ARMC8: variants seen among roughly 807,000 people sequenced by gnomAD.
The protein encoded by ARMC8 is armadillo repeat-containing protein 8.
In ARMC8, 20 loss-of-function variants were observed where a neutral mutation model predicts 99.3. That is an observed-to-expected ratio of 0.20 (90% confidence interval 0.14 to 0.29). The LOEUF (loss-of-function observed/expected upper bound fraction) is 0.29, where lower values mean the gene tolerates loss of function less well. Ranked by LOEUF, ARMC8 falls within the 10% of genes least tolerant of loss-of-function variation. The probability of loss-of-function intolerance (pLI) is 1.00; values close to 1 mark genes in which losing one functional copy is unlikely to be tolerated. For missense variants in ARMC8, 569 were observed against 809.5 expected (o/e 0.70, Z 3.60); for synonymous variants, 263 against 278.3 (o/e 0.95, Z 0.55).
intron 2 of ARMC8, among the ~76,000 whole-genome samples, chr3:138,212,993 C>T (rs899902104): frequency 1.1e-4 from 17 of 152,098 alleles, no homozygotes; most frequent in African/African-American, 4.1e-4. Flanking sequence ...ATATACGAGG[C>T]ATGGTGGAAG....
At chr3:138,242,457 G>A (rs1239614613) in intron 11 of ARMC8, among the ~76,000 whole-genome samples, 2 of 152,170 alleles carry the variant, frequency 1.3e-5, no homozygotes, top group African/African-American at 2.4e-5. Context: ...GGGCCTGCTA[G>A]TGACAGCTAA....
intron 12 of ARMC8, chr3:138,245,771 A>C (rs970360058): frequency 1.0e-6 from 1 of 986,536 alleles, no homozygotes; most frequent in African/African-American, 1.7e-5. Flanking sequence ...ACTAAAGCCT[A>C]GTCTAACACT....
rs79856267 is a variant in ARMC8, at chr3:138,202,160, A to G, written c.46-7657A>G. Among the ~76,000 whole-genome samples, 1,196 of 152,320 alleles carry G rather than the reference A, an allele frequency of 7.9e-3. 12 individuals are homozygous for G. The highest frequency in any genetic ancestry group is 0.027 in the African/African-American group (1,123 of 41,576). ...ACAATGCTGAATTATGAACAGTTTT[A>G]TCTTGAAGTTCCTACTAGTTTGTGG... On this transcript the variant is annotated intron_variant, in intron 1 of 21. Coordinates refer to ENST00000469044, the MANE Select transcript of ARMC8 (RefSeq NM_001363941.2).
rs1477548097 is a variant in ARMC8, at chr3:138,245,835, A to T, written c.1134+652A>T. 4 of 985,660 alleles carry T rather than the reference A, an allele frequency of 4.1e-6. No individual in the cohort carries two copies. The South Asian group carries it at 1.4e-4, about 35-fold the overall frequency. The allele number at this position is 985,660 out of a possible 1,614,324, so 61.1% of individuals were successfully genotyped here. A position where few individuals can be genotyped will look rare whatever the true frequency, so the allele number is the denominator to read the frequency against. On this transcript the variant is annotated intron_variant, in intron 12 of 21. Transcript: ENST00000469044. Reference sequence around the variant, plus strand: ...TAGATGAGGAGTATAGTGGTAAGTAAGCTCTGACTTGGCTCCTTCCACAAA... The same window carrying T: ...TAGATGAGGAGTATAGTGGTAAGTATGCTCTGACTTGGCTCCTTCCACAAA...
At chr3:138,260,896 A>G (rs1560004630) in intron 12 of ARMC8, among the ~76,000 whole-genome samples, 1 of 152,202 alleles carries the variant, frequency 6.6e-6, no homozygotes, top group Non-Finnish European at 1.5e-5. Flanking sequence ...CTGATGATGT[A>G]ACTATATCCA....
At chr3:138,188,920 A>G (rs2043225185) in intron 1 of ARMC8, among the ~76,000 whole-genome samples, 1 of 152,174 alleles carries the variant, frequency 6.6e-6, no homozygotes, top group South Asian at 2.1e-4. Context: ...CTGTTTACCT[A>G]AGTATTAGAT....
At chr3:138,246,659 G>A (rs966090396) in intron 12 of ARMC8, 1 of 985,684 alleles carries the variant, frequency 1.0e-6, no homozygotes. Flanking sequence ...ACCACAATGG[G>A]AAATAGGATG....
intron 20 of ARMC8, 27 bp downstream of exon 20, chr3:138,289,147 A>G (rs2050708030): frequency 1.3e-6 from 2 of 1,576,912 alleles, no homozygotes; most frequent in African/African-American, 1.3e-5. Flanking sequence ...ATTTGTTTTG[A>G]AAAAAATTAT....
chr3:138,191,296 A>T (rs772110479), intron 1 of ARMC8, among the ~76,000 whole-genome samples: 10 of 151,990 alleles, frequency 6.6e-5, no homozygotes, highest in Non-Finnish European at 1.2e-4. Flanking sequence ...TTACAACATC[A>T]CCCTTTTCAA....
At chr3:138,269,917 G>C in intron 15 of ARMC8, 123 bp from the exon 16 acceptor site, 2 of 311,010 alleles carry the variant, frequency 6.4e-6, no homozygotes, top group Non-Finnish European at 1.2e-5. Flanking sequence ...TCCCTGCTTT[G>C]CAAAAGTTGC....
rs773699795 is a variant in ARMC8, at chr3:138,245,255, G to T, written c.1134+72G>T. 3.7e-6 allele frequency: 6 copies of T among 1,613,970 alleles called. No homozygotes were observed. In the East Asian group the frequency reaches 1.3e-4, roughly 36 times the overall value. On this transcript the variant is annotated intron_variant, in intron 12 of 21. Transcript: ENST00000469044. ...AGGGAGTGACGTCAACCTGAAAGTC[G>T]TGGTGAAGAGCACTAACAGTGACTG...
chr3:138,255,202 T>TG (rs1266218647), intron 12 of ARMC8, among the ~76,000 whole-genome samples: 48 of 147,898 alleles, frequency 3.2e-4, no homozygotes, highest in African/African-American at 8.6e-4. Flanking sequence ...TTTTTTTTTT[T>TG]TTTGTTTTTT....
chr3:138,281,322 C>T (rs1236745817), intron 18 of ARMC8, among the ~76,000 whole-genome samples: 3 of 150,006 alleles, frequency 2.0e-5, no homozygotes, highest in East Asian at 2.0e-4. Context: ...GATAGAGAGT[C>T]TCACTCTGTT....
chr3:138,189,515 T>C (rs1160113874), intron 1 of ARMC8, among the ~76,000 whole-genome samples: 5 of 152,244 alleles, frequency 3.3e-5, no homozygotes, highest in Non-Finnish European at 7.3e-5. Context: ...TTATCTTGAA[T>C]GGTTGATTCC....
intron 11 of ARMC8, among the ~76,000 whole-genome samples, chr3:138,244,048 G>A (rs757201316): frequency 5.3e-5 from 8 of 152,076 alleles, no homozygotes; most frequent in Non-Finnish European, 1.0e-4. Context: ...TATCTTTACA[G>A]TAGTTTGGTG....
Position 138,216,252 on chromosome 3 carries a change from A to C in ARMC8, c.123-5674A>C, listed in dbSNP as rs141234396. ...TAATTTGTTTATAAGAATGAACTAA[A>C]TTAAAGTCAATTCTGTTTTTTCAGT... On this transcript the variant is annotated intron_variant, in intron 2 of 21. Transcript: ENST00000469044. Among the ~76,000 whole-genome samples, 6 of 152,254 alleles carry C rather than the reference A, an allele frequency of 3.9e-5. No individual in the cohort carries two copies. The East Asian group carries it at 9.6e-4, about 24-fold the overall frequency.
Position 138,264,073 on chromosome 3 carries a change from T to C in ARMC8, c.1218-58T>C. On this transcript the variant is annotated intron_variant, in intron 13 of 21. Transcript: ENST00000469044. ...AGTCATTGTAAAATGCCAGCCAGTT[T>C]GTTTGAAAAGTAAAAGTTTTGATTT... The C allele has an allele frequency of 2.7e-6, 4 of 1,495,240 alleles. No individual in the cohort carries two copies. The South Asian group carries it at 4.6e-5, about 17-fold the overall frequency. 92.6% of individuals were successfully genotyped at this position (1,495,240 alleles called of 1,614,324 possible).
At chr3:138,203,708 G>GTCCCCAA (rs2044206415) in intron 1 of ARMC8, among the ~76,000 whole-genome samples, 1 of 152,226 alleles carries the variant, frequency 6.6e-6, no homozygotes. Flanking sequence ...ATATCAGGAG[G>GTCCCCAA]TGGGGATCAT....
intron 12 of ARMC8, chr3:138,246,697 G>C: frequency 1.0e-6 from 1 of 982,996 alleles, no homozygotes; most frequent in African/African-American, 1.8e-5. Context: ...GTACTTTTTT[G>C]TTAATAAACT....
Sources: gnomAD v4.1 joint callset for allele counts (sites outside exome capture counted in the v4.1 genomes callset) on GRCh38, gnomAD v4.1.1 for gene constraint, MANE v1.5 for transcripts, NCBI Gene and HGNC (gene_info 2026-07-23, HGNC 2026-07-21) for gene names.